LRRTM3: variants seen among roughly 807,000 people sequenced by gnomAD.
The protein encoded by LRRTM3 is leucine-rich repeat transmembrane neuronal protein 3.
LRRTM3 carries 24 observed loss-of-function variants against 44.7 expected under a neutral mutation model. That is an observed-to-expected ratio of 0.54 (90% CI 0.39 to 0.76). The LOEUF (loss-of-function observed/expected upper bound fraction) is 0.76. Among genes scored for constraint, LRRTM3 ranks in the 30% least tolerant of loss-of-function variants. The pLI is 0.00. For missense variants in LRRTM3, 587 were observed against 702.2 expected (o/e 0.84, Z 1.85); for synonymous variants, 277 against 278.7 (o/e 0.99, Z 0.06).
chr10:67,098,323 G>A lies in LRRTM3; in HGVS notation c.*527G>A, dbSNP rs1044521480. 5 of 152,810 alleles carry A rather than the reference G, an allele frequency of 3.3e-5. No individual in the cohort carries two copies. The highest frequency in any genetic ancestry group is 2.1e-4 in the South Asian group (1 of 4,860). The allele number at this position is 152,810 out of a possible 1,614,324, so 9.5% of individuals were successfully genotyped here. A position where few individuals can be genotyped will look rare whatever the true frequency, so the allele number is the denominator to read the frequency against. ...TTGACTCTAAAATTCTGTGCTGTGC[G>A]AAACATGCACGATTTTTATTATGCT... On this transcript the variant is annotated 3_prime_UTR_variant, in exon 3 of 3. Transcript: ENST00000361320.
intron 2 of LRRTM3, among the ~76,000 whole-genome samples, chr10:67,034,469 C>G (rs1324769180): frequency 6.6e-6 from 1 of 152,174 alleles, no homozygotes; most frequent in Admixed American, 6.5e-5. Context: ...GTGTCCAGTG[C>G]CTATACTCTC....
chr10:66,933,514 GC>G (rs762283987), intron 2 of LRRTM3, among the ~76,000 whole-genome samples: 2 of 151,988 alleles, frequency 1.3e-5, no homozygotes, highest in African/African-American at 2.4e-5. Flanking sequence ...TGTTTATATG[GC>G]AACATGACAT....
chr10:67,093,421 A>C (rs916434075), intron 2 of LRRTM3, among the ~76,000 whole-genome samples: 3 of 151,976 alleles, frequency 2.0e-5, no homozygotes, highest in African/African-American at 7.2e-5. Flanking sequence ...CATGTTAATA[A>C]AAATTAGGTA....
intron 2 of LRRTM3, among the ~76,000 whole-genome samples, chr10:67,029,066 G>C (rs1044743033): frequency 1.3e-5 from 2 of 152,116 alleles, no homozygotes; most frequent in Admixed American, 1.3e-4. Flanking sequence ...GTGGATGTAA[G>C]AGCACACTAC....
At chr10:67,017,902 C>T (rs907125485) in intron 2 of LRRTM3, among the ~76,000 whole-genome samples, 4 of 151,830 alleles carry the variant, frequency 2.6e-5, no homozygotes, top group East Asian at 3.9e-4. Flanking sequence ...CCCAAGTAGC[C>T]GGGACTACAG....
chr10:67,023,373 C>A (rs891676710), intron 2 of LRRTM3, among the ~76,000 whole-genome samples: 1 of 152,056 alleles, frequency 6.6e-6, no homozygotes, highest in Non-Finnish European at 1.5e-5. Context: ...TTCCTGAAGT[C>A]AAGAACTTCA....
intron 2 of LRRTM3, among the ~76,000 whole-genome samples, chr10:67,088,886 T>C (rs1324649396): frequency 6.6e-6 from 1 of 151,910 alleles, no homozygotes; most frequent in East Asian, 1.9e-4. Flanking sequence ...TAAACTCAAC[T>C]AACTGCAAAT....
In LRRTM3 at chr10:67,025,230, T is replaced by G. The variant is rs138655640; in HGVS notation, c.1537-72357T>G. 5.6e-3 allele frequency among the ~76,000 whole-genome samples: 856 copies of G among 151,676 alleles called. 7 individuals carry two copies. Among genetic ancestry groups the G allele is most frequent in the African/African-American group, 0.02 (814 of 41,340 alleles). ...TTCAGTATCACCCACCAATTGGCAC[T>G]GAAAGTAATTACCAAAGACTCATTC... is the stretch of plus-strand genomic sequence containing the variant. On this transcript the variant is annotated intron_variant, in intron 2 of 2. Transcript: ENST00000361320.
intron 2 of LRRTM3, among the ~76,000 whole-genome samples, chr10:67,092,700 C>T (rs143084189): frequency 2.1e-4 from 32 of 151,870 alleles, no homozygotes; most frequent in South Asian, 1.0e-3. Flanking sequence ...GGGAAAAAGA[C>T]CATTAGTAAT....
At chr10:66,938,072 T>C (rs1223480602) in intron 2 of LRRTM3, among the ~76,000 whole-genome samples, 4 of 152,228 alleles carry the variant, frequency 2.6e-5, no homozygotes, top group Non-Finnish European at 5.9e-5. Flanking sequence ...GTCATTATTA[T>C]GAAGTTATTA....
chr10:66,946,963 T>A (rs1350801612), intron 2 of LRRTM3, among the ~76,000 whole-genome samples: 1 of 152,184 alleles, frequency 6.6e-6, no homozygotes, highest in Non-Finnish European at 1.5e-5. Context: ...TTTGCATTTT[T>A]AAAATCTATT....
intron 2 of LRRTM3, among the ~76,000 whole-genome samples, chr10:67,091,768 A>G (rs1857658454): frequency 1.3e-5 from 2 of 152,058 alleles, no homozygotes; most frequent in African/African-American, 4.8e-5. Context: ...AACAAGAGAC[A>G]GGGAGTCAAA....
intron 2 of LRRTM3, among the ~76,000 whole-genome samples, chr10:66,954,829 T>C (rs1848707089): frequency 6.6e-6 from 1 of 152,090 alleles, no homozygotes; most frequent in African/African-American, 2.4e-5. Flanking sequence ...ATTATAGGCC[T>C]TGGGCTACAA....
At chr10:67,052,313 ACTCTCTCTCTCTCT>A (rs3841706) in intron 2 of LRRTM3, among the ~76,000 whole-genome samples, 7 of 121,070 alleles carry the variant, frequency 5.8e-5, no homozygotes, top group Admixed American at 3.2e-4. Context: ...CCCACTCATC[ACTCTCTCTCTCTCT>A]CTCTCTCTCT....
chr10:67,026,791 T>C (rs1385410340), intron 2 of LRRTM3, among the ~76,000 whole-genome samples: 2 of 152,186 alleles, frequency 1.3e-5, no homozygotes, highest in South Asian at 2.1e-4. Flanking sequence ...GAGAGATTTA[T>C]GAAAAATGAA....
At position 66,926,093 on chromosome 10, in the gene LRRTM3, G is replaced by C. The variant is rs1847052374; in HGVS notation, c.-491G>C. 1 of 457,914 alleles carries C rather than the reference G, an allele frequency of 2.2e-6. No homozygotes were observed. The highest frequency in any genetic ancestry group is 2.0e-5 in the African/African-American group (1 of 50,128). The allele number at this position is 457,914 out of a possible 1,614,324, so 28.4% of individuals were successfully genotyped here. A position where few individuals can be genotyped will look rare whatever the true frequency, so the allele number is the denominator to read the frequency against. The stretch of plus-strand genomic sequence containing the variant: ...GCAGAAGTGAGCTGAGCGTGTGCGC[G>C]GTACGGGGCTCTCCTGCCTTCTGGG... On this transcript the variant is annotated 5_prime_UTR_variant, in exon 1 of 3. Transcript: ENST00000361320.
intron 2 of LRRTM3, among the ~76,000 whole-genome samples, chr10:66,934,604 A>G (rs1847588493): frequency 6.6e-6 from 1 of 152,296 alleles, no homozygotes; most frequent in East Asian, 1.9e-4. Flanking sequence ...ACAGTCTTAC[A>G]AAGTATTAAA....
chr10:66,927,887 T>C lies in LRRTM3; in HGVS notation c.971T>C (p.Val324Ala), dbSNP rs947381555. 4.3e-6 allele frequency: 7 copies of C among 1,614,264 alleles called. No homozygotes were observed. Among genetic ancestry groups the C allele is most frequent in the Non-Finnish European group, 5.1e-6 (6 of 1,180,042 alleles). The change falls in exon 2 of 3, where the codon GTA becomes GCA. Residue 324 changes from valine (V) to alanine (A), a missense_variant. Transcript: ENST00000361320. This position sits in a 1 kb window ranked among gnomAD's most constrained non-coding sequence, Gnocchi z 4.7. ...WECSRNICSL[V>A]NWLKSFKGLR... is the part of the protein sequence containing the mutation. ...TGCAGCAGAAATATTTGCTCCCTTG[T>C]AAACTGGCTGAAAAGTTTTAAAGGT...
intron 2 of LRRTM3, among the ~76,000 whole-genome samples, chr10:67,000,006 T>A (rs1033332805): frequency 6.6e-6 from 1 of 152,214 alleles, no homozygotes; most frequent in Non-Finnish European, 1.5e-5. Context: ...TACTAACACT[T>A]CAATTTATGG....
Sources: allele counts gnomAD v4.1 joint callset (sites outside exome capture counted in the v4.1 genomes callset), GRCh38; gene constraint gnomAD v4.1.1; non-coding constraint Gnocchi (gnomAD v3.1); transcripts MANE v1.5; gene names NCBI Gene and HGNC (gene_info 2026-07-23, HGNC 2026-07-21).